RFX4: variants seen among roughly 807,000 people sequenced by gnomAD.
RFX4 encodes regulatory factor X4.
In RFX4, 10 loss-of-function variants were observed where a neutral mutation model predicts 95.0. That is an observed-to-expected ratio of 0.11 (90% CI 0.06 to 0.18). The LOEUF (loss-of-function observed/expected upper bound fraction) is 0.18. Ranked by LOEUF, RFX4 falls within the 10% of genes least tolerant of loss-of-function variation. RFX4 has a pLI of 1.00. For missense variants in RFX4, 640 were observed against 922.0 expected, an observed-to-expected ratio of 0.69 and a Z score of 3.96; for synonymous variants, 321 against 340.7, an observed-to-expected ratio of 0.94 and a Z score of 0.64.
intron 17 of RFX4, among the ~76,000 whole-genome samples, 200 bp from the exon 18 acceptor site, chr12:106,760,997 G>A (rs1301938698): frequency 6.6e-6 from 1 of 152,086 alleles, no homozygotes; most frequent in African/African-American, 2.4e-5. Flanking sequence ...CCCAACTCAG[G>A]CTATGAAATC....
At chr12:106,592,330 T>C (rs983321212) in intron 1 of RFX4, among the ~76,000 whole-genome samples, 1 of 152,252 alleles carries the variant, frequency 6.6e-6, no homozygotes, top group Non-Finnish European at 1.5e-5. Context: ...AGACTAATTT[T>C]ATTTTTATTT....
chr12:106,614,336 T>A (rs2040024070), intron 2 of RFX4, among the ~76,000 whole-genome samples: 1 of 151,794 alleles, frequency 6.6e-6, no homozygotes, highest in Non-Finnish European at 1.5e-5. Flanking sequence ...AATTTTTGTA[T>A]TTTTAGTAGA....
Position 106,610,912 on chromosome 12 carries a change from C to T in RFX4, c.130+2029C>T, listed in dbSNP as rs372568199. ...ACAAAACTGGTTTTCATAGTGGCTG[C>T]GTCATTTTACATTCCCACTAGCAAG... On this transcript the variant is annotated intron_variant, in intron 2 of 17. Transcript: ENST00000392842. Among the ~76,000 whole-genome samples, 752 of 152,024 alleles carry T rather than the reference C, an allele frequency of 4.9e-3. 1 individual carries two copies. The highest frequency in any genetic ancestry group is 0.021 in the South Asian group (101 of 4,814).
At chr12:106,656,999 G>T (rs1411315863) in intron 4 of RFX4, among the ~76,000 whole-genome samples, 2 of 152,248 alleles carry the variant, frequency 1.3e-5, no homozygotes, top group Non-Finnish European at 2.9e-5. Flanking sequence ...GTTTCAAATG[G>T]ACTGGGCATT....
At chr12:106,674,872 T>C (rs1476880737) in intron 4 of RFX4, among the ~76,000 whole-genome samples, 1 of 152,204 alleles carries the variant, frequency 6.6e-6, no homozygotes, top group African/African-American at 2.4e-5. Context: ...CTTTGTACCA[T>C]TAGCCAACCT....
chr12:106,745,748 A>C (rs2042878780), intron 15 of RFX4, among the ~76,000 whole-genome samples: 1 of 152,178 alleles, frequency 6.6e-6, no homozygotes, highest in Non-Finnish European at 1.5e-5. Context: ...TCACCTTAAA[A>C]ATGTCCTCCC....
intron 8 of RFX4, among the ~76,000 whole-genome samples, chr12:106,700,483 T>A (rs1322493492): frequency 6.9e-6 from 1 of 145,036 alleles, no homozygotes; most frequent in African/African-American, 2.6e-5. Flanking sequence ...CTCGGCTCAC[T>A]GCAAGCTCCG....
At chr12:106,601,719 G>A (rs1051942088) in intron 1 of RFX4, among the ~76,000 whole-genome samples, 4 of 152,194 alleles carry the variant, frequency 2.6e-5, no homozygotes, top group Admixed American at 2.0e-4. Flanking sequence ...CGGCCTGGTG[G>A]GCCCGGCGGG....
At chr12:106,591,494 C>T (rs1461991185) in intron 1 of RFX4, among the ~76,000 whole-genome samples, 2 of 152,046 alleles carry the variant, frequency 1.3e-5, no homozygotes, top group Non-Finnish European at 2.9e-5. Flanking sequence ...TCTCAAACTC[C>T]TGACCTTGTG....
chr12:106,700,592 G>A (rs139573175), intron 8 of RFX4, among the ~76,000 whole-genome samples: 1 of 151,054 alleles, frequency 6.6e-6, no homozygotes, highest in African/African-American at 2.4e-5. Flanking sequence ...ATTTTTAGTA[G>A]AGACGGGGTT....
At chr12:106,691,081 T>C (rs1311604290) in intron 7 of RFX4, among the ~76,000 whole-genome samples, 1 of 152,100 alleles carries the variant, frequency 6.6e-6, no homozygotes, top group East Asian at 1.9e-4. Flanking sequence ...CCAGAAACAT[T>C]GAGGGGCAGA....
intron 3 of RFX4, among the ~76,000 whole-genome samples, chr12:106,647,813 G>A (rs2040777267): frequency 6.6e-6 from 1 of 152,162 alleles, no homozygotes; most frequent in African/African-American, 2.4e-5. Flanking sequence ...TTCTTGTCTA[G>A]TCCTCACAGC....
chr12:106,697,542 G>A (rs1338503092), intron 8 of RFX4, among the ~76,000 whole-genome samples: 1 of 151,016 alleles, frequency 6.6e-6, no homozygotes, highest in Non-Finnish European at 1.5e-5. Context: ...CAACAGAAAA[G>A]TTATTCTCCC....
chr12:106,702,141 C>CTTAAAAT (rs1270402876), intron 8 of RFX4, among the ~76,000 whole-genome samples: 1 of 151,534 alleles, frequency 6.6e-6, no homozygotes, highest in Non-Finnish European at 1.5e-5. Flanking sequence ...ATCATAGTTA[C>CTTAAAAT]TTTAAATTTT....
chr12:106,740,948 A>T (rs1029535664), intron 15 of RFX4, among the ~76,000 whole-genome samples: 27 of 152,308 alleles, frequency 1.8e-4, no homozygotes, highest in African/African-American at 6.3e-4. Context: ...CAGGCAGCAA[A>T]GAGCTTGGCA....
chr12:106,723,493 A>T (rs1029122249), intron 13 of RFX4, among the ~76,000 whole-genome samples: 1 of 152,100 alleles, frequency 6.6e-6, no homozygotes, highest in East Asian at 1.9e-4. Flanking sequence ...TCCCGGAAGT[A>T]CTCCAGCATA....
chr12:106,623,958 G>A (rs2040239092), intron 2 of RFX4, among the ~76,000 whole-genome samples: 1 of 152,226 alleles, frequency 6.6e-6, no homozygotes, highest in South Asian at 2.1e-4. Context: ...TCTTTCTGCT[G>A]AGTCCCCACA....
At position 106,720,181 on chromosome 12, in the gene RFX4, G is replaced by T; in HGVS notation, c.1233+127G>T. ...AGGGTTTTGAGGAGAGGCCCCAGGA[G>T]GTGGAGGGGTCAGGAGGCAGGACTC... On this transcript the variant is annotated intron_variant, in intron 12 of 17. Coordinates refer to ENST00000392842, the MANE Select transcript of RFX4 (RefSeq NM_213594.3). The surrounding 1 kb of genome is among the most constrained non-coding windows in gnomAD (Gnocchi z 4.2). 1.3e-6 allele frequency: 1 copy of T among 750,304 alleles called. No homozygotes were observed. Among genetic ancestry groups the T allele is most frequent in the Admixed American group, 2.4e-5 (1 of 42,250 alleles). The allele number at this position is 750,304 out of a possible 1,614,324, so 46.5% of individuals were successfully genotyped here.
chr12:106,732,208 C>A lies in RFX4; in HGVS notation c.1430C>A (p.Ala477Asp), dbSNP rs1045714020. ...LLESLHCQER[A>D]NELMRAMKGE... ...GAATCTCTGCACTGTCAGGAGCGGGCCAATGAGCTCATGCGAGCCATGAAG... is the reference window on the plus strand; with the variant it reads ...GAATCTCTGCACTGTCAGGAGCGGGACAATGAGCTCATGCGAGCCATGAAG... Residue 477 changes from alanine (A) to aspartate (D), a missense_variant, in exon 14 of 18, where the codon GCC (alanine) becomes GAC (aspartate). Physicochemically the swap from Ala to Asp is moderately radical, Grantham distance 126 (BLOSUM62 -2). Around this residue, in one of 7 missense-constraint regions of RFX4, gnomAD observed 300 missense variants for 346.8 expected, o/e 0.87. Transcript: ENST00000392842. The A allele has an allele frequency of 1.2e-6, 2 of 1,613,800 alleles. No homozygotes were observed. Among genetic ancestry groups the A allele is most frequent in the African/African-American group, 1.3e-5 (1 of 74,896 alleles).
Sources: gnomAD v4.1 joint callset for allele counts (sites outside exome capture counted in the v4.1 genomes callset) on GRCh38, gnomAD v4.1.1 for gene constraint, gnomAD v4.1.1 regional missense constraint, Gnocchi (gnomAD v3.1) non-coding constraint, MANE v1.5 for transcripts, NCBI Gene and HGNC (gene_info 2026-07-23, HGNC 2026-07-21) for gene names.